Variants in FOXP1 observed in about 807,000 individuals in gnomAD.
FOXP1 encodes the protein forkhead box protein P1.
A neutral mutation model predicts 98.2 loss-of-function variants in FOXP1; 15 were observed. That is an observed-to-expected ratio of 0.15 (90% confidence interval 0.10 to 0.24). The LOEUF is 0.24. Among genes scored for constraint, FOXP1 ranks in the 10% least tolerant of loss-of-function variants. The pLI, the probability that FOXP1 is intolerant of heterozygous loss-of-function variation, is 1.00. For missense variants in FOXP1, 633 were observed against 848.5 expected (o/e 0.75, Z 3.15); for synonymous variants, 371 against 314.5 (o/e 1.18, Z -1.90).
chr3:71,124,135 A>AT (rs143622144), intron 6 of FOXP1, among the ~76,000 whole-genome samples: 45,842 of 148,226 alleles, frequency 0.31, 7,500 homozygotes, highest in East Asian at 0.59. Flanking sequence ...TTAAAGTTAT[A>AT]TTTTTTTAAA....
intron 2 of FOXP1, among the ~76,000 whole-genome samples, chr3:71,497,445 A>AT: frequency 6.6e-6 from 1 of 152,180 alleles, no homozygotes. Context: ...AGTCTCAAAC[A>AT]TTTTTTTAAA....
intron 2 of FOXP1, among the ~76,000 whole-genome samples, chr3:71,578,697 T>C (rs1269405865): frequency 6.6e-6 from 1 of 152,200 alleles, no homozygotes; most frequent in East Asian, 1.9e-4. Context: ...ATAAATATAT[T>C]TGAAAAATAT....
chr3:71,055,436 G>T (rs2050489667), intron 7 of FOXP1, among the ~76,000 whole-genome samples: 1 of 152,112 alleles, frequency 6.6e-6, no homozygotes, highest in African/African-American at 2.4e-5. Flanking sequence ...TAGATACACT[G>T]TAATTTAAAA....
At chr3:71,372,262 T>A (rs768328817) in intron 3 of FOXP1, among the ~76,000 whole-genome samples, 3 of 151,746 alleles carry the variant, frequency 2.0e-5, no homozygotes, top group Non-Finnish European at 4.4e-5. Flanking sequence ...CTTGAGGTGA[T>A]CCGCCCGTCT....
chr3:71,478,099 G>C (rs949898301), intron 3 of FOXP1, among the ~76,000 whole-genome samples: 2 of 152,180 alleles, frequency 1.3e-5, no homozygotes, highest in Non-Finnish European at 2.9e-5. Context: ...AAACCCGTCT[G>C]TCCTTGACAT....
At chr3:71,145,214 GTTTATT>G (rs1452406138) in intron 6 of FOXP1, among the ~76,000 whole-genome samples, 5 of 152,122 alleles carry the variant, frequency 3.3e-5, no homozygotes, top group Non-Finnish European at 7.4e-5. Context: ...GTAACTGTAT[GTTTATT>G]TTTATTTATT....
In FOXP1 at chr3:70,987,996, G is replaced by T. The variant is rs1429421933; in HGVS notation, c.1144C>A (p.Pro382Thr). The part of the protein sequence containing the change: ...KSTEPKAAPQ[P>T]LNLVSSVTLS... ...CCTTGGTGGGGATCAATACTTACGG[G>T]CTGAGGGGCGGCTTTGGGTTCTGTA... The change falls in exon 14 of 21, where the codon CCC becomes ACC. Residue 382 changes from proline to threonine, a missense_variant and splice_region_variant. Around this residue, in one of 6 missense-constraint regions of FOXP1, gnomAD observed 141 missense variants for 199.5 expected, o/e 0.71. Coordinates refer to ENST00000649528, the MANE Select transcript of FOXP1 (RefSeq NM_001349338.3). 6 of 1,613,922 alleles carry T rather than the reference G, an allele frequency of 3.7e-6. No homozygotes were observed. The highest frequency in any genetic ancestry group is 5.1e-6 in the Non-Finnish European group (6 of 1,179,824).
chr3:71,272,883 A>G (rs1356115550), intron 5 of FOXP1, among the ~76,000 whole-genome samples: 1 of 152,024 alleles, frequency 6.6e-6, no homozygotes, highest in Non-Finnish European at 1.5e-5. Context: ...GGTCTAGCTT[A>G]TTTCTGGACC....
intron 11 of FOXP1, among the ~76,000 whole-genome samples, chr3:71,037,900 AT>A (rs2106803484): frequency 6.6e-6 from 1 of 152,314 alleles, no homozygotes; most frequent in East Asian, 1.9e-4. Context: ...GTGGGTTTCT[AT>A]TGGCAATCTT....
chr3:71,273,294 G>A (rs2686277), intron 5 of FOXP1, among the ~76,000 whole-genome samples: 22,104 of 152,082 alleles, frequency 0.15, 1,758 homozygotes, highest in African/African-American at 0.18. Context: ...ATTTGCATCC[G>A]GCCCTGTCCT....
intron 3 of FOXP1, among the ~76,000 whole-genome samples, chr3:71,490,037 C>T (rs2090951866): frequency 6.6e-6 from 1 of 152,162 alleles, no homozygotes; most frequent in Non-Finnish European, 1.5e-5. Flanking sequence ...ATTGGTGCTT[C>T]TTTTGGTTGT....
chr3:70,956,174 AAAG>A lies in FOXP1; in HGVS notation c.*3070_*3072del, dbSNP rs1479244457. The A allele has an allele frequency of 1.3e-5, 3 of 233,446 alleles. No individual in the cohort carries two copies. Among genetic ancestry groups the A allele is most frequent in the African/African-American group, 6.6e-5 (3 of 45,460 alleles). The allele number at this position is 233,446 out of a possible 1,614,324, so 14.5% of individuals were successfully genotyped here. A position where few individuals can be genotyped will look rare whatever the true frequency, so the allele number is the denominator to read the frequency against. On this transcript the variant is annotated 3_prime_UTR_variant, in exon 21 of 21. Transcript: ENST00000649528. ...TCCTTTTTAGGAACAATATCTAAAA[AAAG>A]AACCGCCCTCTGCCCTCCCCCAAAA...
intron 5 of FOXP1, among the ~76,000 whole-genome samples, chr3:71,218,594 T>C (rs1190222519): frequency 6.6e-6 from 1 of 152,206 alleles, no homozygotes; most frequent in Non-Finnish European, 1.5e-5. Context: ...TCTGTGGTGT[T>C]GTACAGTAAA....
chr3:71,350,238 A>G (rs1264873993), intron 4 of FOXP1, among the ~76,000 whole-genome samples: 2 of 152,162 alleles, frequency 1.3e-5, no homozygotes, highest in Non-Finnish European at 2.9e-5. Context: ...TTCAAAAGCA[A>G]GTCTGAATGT....
At chr3:71,317,238 T>A (rs1188060470) in intron 4 of FOXP1, among the ~76,000 whole-genome samples, 1 of 152,238 alleles carries the variant, frequency 6.6e-6, no homozygotes, top group Non-Finnish European at 1.5e-5. Context: ...ATTCCCATTA[T>A]TATTTCCTTC....
At chr3:71,281,047 A>C (rs1391585853) in intron 5 of FOXP1, among the ~76,000 whole-genome samples, 25 of 150,016 alleles carry the variant, frequency 1.7e-4, no homozygotes, top group African/African-American at 5.9e-4. Context: ...TACAAAAAAA[A>C]AAAAAAAAAA....
At chr3:71,575,724 A>T (rs984389995) in intron 2 of FOXP1, among the ~76,000 whole-genome samples, 1 of 152,264 alleles carries the variant, frequency 6.6e-6, no homozygotes, top group Middle Eastern at 3.2e-3. Flanking sequence ...AATATCTTTT[A>T]AAAATGTGAG....
At chr3:71,065,024 C>G (rs2107333453) in intron 7 of FOXP1, 1 of 137,440 alleles carries the variant, frequency 7.3e-6, no homozygotes, top group Non-Finnish European at 1.6e-5. Flanking sequence ...CCTCTAAACA[C>G]CCCGCGCCGC....
intron 2 of FOXP1, chr3:71,571,921 CA>C (rs2107809272): frequency 6.6e-6 from 1 of 152,316 alleles, no homozygotes; most frequent in South Asian, 2.1e-4. Context: ...AGTAGACACA[CA>C]CTATTTTAAA....
Sources: gnomAD v4.1 joint callset for allele counts (sites outside exome capture counted in the v4.1 genomes callset) on GRCh38, gnomAD v4.1.1 for gene constraint, gnomAD v4.1.1 regional missense constraint, MANE v1.5 for transcripts, NCBI Gene and HGNC (gene_info 2026-07-23, HGNC 2026-07-21) for gene names.